Variants in GUCY1A2 observed in about 807,000 individuals in gnomAD.
GUCY1A2 encodes the protein guanylate cyclase 1 soluble subunit alpha 2, also known as guanylate cyclase soluble subunit alpha-2.
GUCY1A2 carries 27 observed loss-of-function variants against 63.5 expected under a neutral mutation model. That is an observed-to-expected ratio of 0.43 (90% confidence interval 0.31 to 0.59). The LOEUF is 0.59. Ranked by LOEUF, GUCY1A2 falls within the 20% of genes least tolerant of loss-of-function variation. The pLI, the probability that GUCY1A2 is intolerant of heterozygous loss-of-function variation, is 0.11. For missense variants in GUCY1A2, 768 were observed against 913.3 expected (o/e 0.84, Z 2.05); for synonymous variants, 364 against 343.5 (o/e 1.06, Z -0.66).
chr11:106,833,913 T>C (rs1859084439), intron 4 of GUCY1A2, among the ~76,000 whole-genome samples: 1 of 151,992 alleles, frequency 6.6e-6, no homozygotes, highest in Non-Finnish European at 1.5e-5. Flanking sequence ...AAAAGAGAAA[T>C]TATTTTTTCA....
At chr11:106,830,898 T>C (rs755641401) in intron 4 of GUCY1A2, among the ~76,000 whole-genome samples, 1 of 152,234 alleles carries the variant, frequency 6.6e-6, no homozygotes, top group Non-Finnish European at 1.5e-5. Flanking sequence ...ATTGTTGTTA[T>C]TAAGCATTAT....
intron 7 of GUCY1A2, among the ~76,000 whole-genome samples, chr11:106,706,904 TA>T (rs1305786834): frequency 6.6e-6 from 1 of 152,174 alleles, no homozygotes; most frequent in Non-Finnish European, 1.5e-5. Context: ...AGATCATCTG[TA>T]ATATGCCCAG....
chr11:106,693,950 C>T (rs1862671405), intron 7 of GUCY1A2, among the ~76,000 whole-genome samples: 1 of 151,896 alleles, frequency 6.6e-6, no homozygotes, highest in South Asian at 2.1e-4. Flanking sequence ...TTTTTCATGT[C>T]AAGGCATTCA....
chr11:106,993,233 C>T (rs1861493505), intron 1 of GUCY1A2, among the ~76,000 whole-genome samples: 1 of 152,132 alleles, frequency 6.6e-6, no homozygotes, highest in Non-Finnish European at 1.5e-5. Context: ...GTGGAGATCA[C>T]CACCTTCTCC....
intron 6 of GUCY1A2, among the ~76,000 whole-genome samples, chr11:106,756,751 C>G (rs1319519980): frequency 6.6e-6 from 1 of 152,136 alleles, no homozygotes; most frequent in Non-Finnish European, 1.5e-5. Context: ...TGTGGGTAAC[C>G]CGACCTTTCT....
At chr11:107,004,580 A>T (rs1425143261) in intron 1 of GUCY1A2, among the ~76,000 whole-genome samples, 1 of 152,230 alleles carries the variant, frequency 6.6e-6, no homozygotes, top group African/African-American at 2.4e-5. Flanking sequence ...GCCCACAGAG[A>T]GCAACGCTGA....
At chr11:106,797,320 C>A (rs146306777) in intron 5 of GUCY1A2, among the ~76,000 whole-genome samples, 10 of 152,146 alleles carry the variant, frequency 6.6e-5, no homozygotes, top group Non-Finnish European at 1.5e-4. Context: ...TGGAGAGGAG[C>A]TGCGTTCCTT....
At chr11:106,837,202 G>A (rs1294657712) in intron 4 of GUCY1A2, among the ~76,000 whole-genome samples, 1 of 151,788 alleles carries the variant, frequency 6.6e-6, no homozygotes, top group African/African-American at 2.4e-5. Flanking sequence ...TTGTGTCCAT[G>A]AGTTCTCATT....
intron 4 of GUCY1A2, among the ~76,000 whole-genome samples, chr11:106,817,105 C>T (rs1858842370): frequency 6.6e-6 from 1 of 152,018 alleles, no homozygotes; most frequent in Non-Finnish European, 1.5e-5. Context: ...TCCACCCCTT[C>T]CTAAAGATTA....
intron 3 of GUCY1A2, among the ~76,000 whole-genome samples, chr11:106,961,166 C>T (rs534663113): frequency 1.3e-5 from 2 of 151,886 alleles, no homozygotes; most frequent in Non-Finnish European, 2.9e-5. Context: ...TGTGTCCTGC[C>T]ACTCACCCTC....
intron 6 of GUCY1A2, among the ~76,000 whole-genome samples, chr11:106,765,666 C>G (rs1297555082): frequency 1.3e-5 from 2 of 152,124 alleles, no homozygotes; most frequent in Admixed American, 1.3e-4. Context: ...ACACCCCATG[C>G]ATACTCCGGA....
At chr11:106,865,393 CTCTGA>C (rs1859577904) in intron 4 of GUCY1A2, among the ~76,000 whole-genome samples, 1 of 151,974 alleles carries the variant, frequency 6.6e-6, no homozygotes, top group African/African-American at 2.4e-5. Flanking sequence ...TTCAGTTCTG[CTCTGA>C]TCTTAGTTAT....
In GUCY1A2 at chr11:106,687,557, T is replaced by C; in HGVS notation, c.2191A>G (p.Ser731Gly). 6.2e-7 allele frequency: 1 copy of C among 1,613,068 alleles called. No homozygotes were observed. The highest frequency in any genetic ancestry group is 8.5e-7 in the Non-Finnish European group (1 of 1,179,066). The change falls in exon 8 of 8, where the codon AGC becomes GGC. Residue 731 changes from serine to glycine, a missense_variant. Around this residue, in one of 3 missense-constraint regions of GUCY1A2, gnomAD observed 150 missense variants for 188.3 expected, o/e 0.80. Transcript: ENST00000526355. Reference protein sequence around the residue: ...NIGTMFLRETSL With the variant: ...NIGTMFLRETGL ...TTGATCTGTAGCAGGTCTCAGAGGC[T>C]TGTCTCCCGGAGGAACATGGTGCCG...
At chr11:106,997,915 T>C (rs1396603017) in intron 1 of GUCY1A2, among the ~76,000 whole-genome samples, 1 of 152,006 alleles carries the variant, frequency 6.6e-6, no homozygotes, top group African/African-American at 2.4e-5. Context: ...GTCTTTTCTG[T>C]AGGGAAAGTA....
rs141876682 is a variant in GUCY1A2 at position 106,902,533 on chromosome 11, T to A, written c.1206+36927A>T. Among the ~76,000 whole-genome samples the A allele has an allele frequency of 2.1e-3, 315 of 152,310 alleles. 2 individuals carry two copies. Among genetic ancestry groups the A allele is most frequent in the Admixed American group, 0.017 (258 of 15,294 alleles). On this transcript the variant is annotated intron_variant, in intron 4 of 7. Transcript: ENST00000526355. ...GGATGTTTCATCCACAATGAAAATA[T>A]TTTGTTGAGTGTAGCTGTCTTCATT...
At chr11:106,776,911 G>T (rs571005247) in intron 5 of GUCY1A2, among the ~76,000 whole-genome samples, 6 of 152,078 alleles carry the variant, frequency 3.9e-5, no homozygotes, top group African/African-American at 1.4e-4. Context: ...CTTTTCCAGA[G>T]CCATCCCTTC....
chr11:106,740,648 C>CTGTATGTATGTATGTATGTATGTATGTA (rs6144494), intron 6 of GUCY1A2, among the ~76,000 whole-genome samples: 7 of 148,748 alleles, frequency 4.7e-5, no homozygotes, highest in Admixed American at 1.3e-4. Flanking sequence ...GACCATATCA[C>CTGTATGTATGTATGTATGTATGTATGTA]TGTATGTATG....
At chr11:106,927,736 T>G (rs903290308) in intron 4 of GUCY1A2, among the ~76,000 whole-genome samples, 1 of 150,442 alleles carries the variant, frequency 6.6e-6, no homozygotes, top group African/African-American at 2.4e-5. Flanking sequence ...GGCTAATTTT[T>G]TTTTTAAATA....
intron 7 of GUCY1A2, among the ~76,000 whole-genome samples, chr11:106,706,865 A>C (rs1862923168): frequency 6.6e-6 from 1 of 152,164 alleles, no homozygotes; most frequent in Admixed American, 6.5e-5. Context: ...GAATTTGACA[A>C]AATTCAATTT....
Sources: gnomAD v4.1 joint callset for allele counts (sites outside exome capture counted in the v4.1 genomes callset) on GRCh38, gnomAD v4.1.1 for gene constraint, gnomAD v4.1.1 regional missense constraint, MANE v1.5 for transcripts, NCBI Gene and HGNC (gene_info 2026-07-23, HGNC 2026-07-21) for gene names.